ARMH4: variants seen among roughly 807,000 people sequenced by gnomAD.
ARMH4 encodes armadillo-like helical domain-containing protein 4.
In ARMH4, 49 loss-of-function variants were observed where a neutral mutation model predicts 61.9. The observed-to-expected ratio is 0.79, with a 90% CI of 0.63 to 1.00. The LOEUF is 1.00. Ranked by LOEUF, ARMH4 falls within the 50% of genes least tolerant of loss-of-function variation. ARMH4 has a pLI of 0.00. For missense variants in ARMH4, 934 were observed against 930.0 expected (o/e 1.00, Z -0.06); for synonymous variants, 368 against 341.5 (o/e 1.08, Z -0.85).
chr14:58,073,252 T>C (rs548849700), intron 5 of ARMH4, among the ~76,000 whole-genome samples: 1 of 152,318 alleles, frequency 6.6e-6, no homozygotes, highest in East Asian at 1.9e-4. Context: ...GAATCATTCT[T>C]ATGCCATTTT....
intron 5 of ARMH4, among the ~76,000 whole-genome samples, chr14:58,041,046 G>T (rs773568451): frequency 6.6e-6 from 1 of 152,218 alleles, no homozygotes; most frequent in Non-Finnish European, 1.5e-5. Flanking sequence ...CGACGCAGAA[G>T]ACGGGTGATT....
intron 4 of ARMH4, among the ~76,000 whole-genome samples, chr14:58,130,247 G>A (rs941041687): frequency 6.6e-6 from 1 of 152,120 alleles, no homozygotes; most frequent in Non-Finnish European, 1.5e-5. Flanking sequence ...GTTAGCCTTT[G>A]AGCCCACTTT....
At chr14:58,021,609 A>G (rs1236146310) in intron 5 of ARMH4, among the ~76,000 whole-genome samples, 1 of 152,208 alleles carries the variant, frequency 6.6e-6, no homozygotes, top group Non-Finnish European at 1.5e-5. Flanking sequence ...CTGGGCACCC[A>G]TGGTCCAGTC....
At chr14:58,083,109 G>A (rs1195613164) in intron 5 of ARMH4, among the ~76,000 whole-genome samples, 1 of 152,138 alleles carries the variant, frequency 6.6e-6, no homozygotes, top group Non-Finnish European at 1.5e-5. Flanking sequence ...TATGAAGAGG[G>A]CAAGGAACCA....
intron 5 of ARMH4, among the ~76,000 whole-genome samples, chr14:58,015,466 T>C (rs915756296): frequency 6.6e-6 from 1 of 152,162 alleles, no homozygotes; most frequent in East Asian, 1.9e-4. Context: ...CGGAGCGCCA[T>C]GCCTTGTGCT....
intron 5 of ARMH4, among the ~76,000 whole-genome samples, chr14:58,015,261 T>C (rs1325122712): frequency 2.0e-5 from 3 of 152,330 alleles, no homozygotes; most frequent in South Asian, 2.1e-4. Flanking sequence ...TGCACAGATA[T>C]CTGAAGGAGC....
rs1881971229 is a variant in ARMH4 at position 58,001,159 on chromosome 14, A to C, written c.*3577T>G. 6.6e-6 allele frequency: 1 copy of C among 152,196 alleles called. No individual in the cohort carries two copies. The highest frequency in any genetic ancestry group is 6.5e-5 in the Admixed American group (1 of 15,284). 9.4% of individuals were successfully genotyped at this position (152,196 alleles called of 1,614,324 possible). ...TCACTTAGCATAATGTTCTCCATGTATATCCATATTGTCACAATGACAGAA... is the reference window on the plus strand; with the variant it reads ...TCACTTAGCATAATGTTCTCCATGTCTATCCATATTGTCACAATGACAGAA... On this transcript the variant is annotated 3_prime_UTR_variant, in exon 8 of 8. Coordinates refer to ENST00000267485, the MANE Select transcript of ARMH4 (RefSeq NM_001001872.4).
chr14:58,096,643 T>C, intron 5 of ARMH4, 81 bp downstream of exon 5: 3 of 1,473,588 alleles, frequency 2.0e-6, no homozygotes, highest in Non-Finnish European at 2.7e-6. Context: ...TTACAATAGA[T>C]GGCAATGAAA....
chr14:58,048,652 C>T (rs565325370), intron 5 of ARMH4, among the ~76,000 whole-genome samples: 1 of 151,938 alleles, frequency 6.6e-6, no homozygotes, highest in Non-Finnish European at 1.5e-5. Context: ...AGAAAAATAG[C>T]ATGAGAAAAA....
At chr14:58,026,759 C>T (rs763271904) in intron 5 of ARMH4, among the ~76,000 whole-genome samples, 9 of 152,132 alleles carry the variant, frequency 5.9e-5, no homozygotes, top group Non-Finnish European at 1.3e-4. Context: ...GCCACTTTAG[C>T]ATCAAGACAA....
At chr14:58,060,469 A>G (rs1884493297) in intron 5 of ARMH4, among the ~76,000 whole-genome samples, 1 of 152,188 alleles carries the variant, frequency 6.6e-6, no homozygotes. Context: ...GACTTTGAAA[A>G]TAACTTTACA....
intron 1 of ARMH4, among the ~76,000 whole-genome samples, chr14:58,148,169 C>A (rs1887803990): frequency 6.6e-6 from 1 of 152,174 alleles, no homozygotes; most frequent in Admixed American, 6.5e-5. Context: ...GCCTCAGCCT[C>A]CCGAGTAGCT....
rs138457650 is a variant in ARMH4, at chr14:58,113,062, G to A, written c.1832-16081C>T. 1.4e-3 allele frequency among the ~76,000 whole-genome samples: 217 copies of A among 152,190 alleles called. 1 individual carries two copies. Among genetic ancestry groups the A allele is most frequent in the African/African-American group, 5.0e-3 (208 of 41,522 alleles). ...TAATAAACTATTACATCATGAACCA[G>A]CATATTCACAACCCATATTCTTTTT... On this transcript the variant is annotated intron_variant, in intron 4 of 7. Transcript: ENST00000267485.
chr14:58,138,627 G>T lies in ARMH4; in HGVS notation c.732C>A (p.Gly244=). 6.2e-7 allele frequency: 1 copy of T among 1,614,168 alleles called. No individual in the cohort carries two copies. Among genetic ancestry groups the T allele is most frequent in the African/African-American group, 1.3e-5 (1 of 75,068 alleles). The change falls in exon 2 of 8, where the codon GGC becomes GGA. Residue 244 remains glycine, a synonymous_variant. Coordinates refer to ENST00000267485, the MANE Select transcript of ARMH4 (RefSeq NM_001001872.4). ...CAGGGGTGAGGCTTCCAGGCTCACT[G>T]CCTGCTGTGGACTCAGCACCAGGAA... is the stretch of plus-strand genomic sequence containing the variant. ...TSFPGAESTA[G]SEPGSLTPDK...
chr14:58,063,062 C>T (rs1051208214), intron 5 of ARMH4, among the ~76,000 whole-genome samples: 1 of 152,192 alleles, frequency 6.6e-6, no homozygotes, highest in African/African-American at 2.4e-5. Flanking sequence ...ATGATCCCTA[C>T]AGAGCCTCTA....
intron 3 of ARMH4, 54 bp downstream of exon 3, chr14:58,133,036 C>T (rs992546439): frequency 4.4e-6 from 7 of 1,596,074 alleles, no homozygotes; most frequent in Non-Finnish European, 6.0e-6. Context: ...TCCTAGTCCA[C>T]TTAACAGAAG....
At chr14:58,072,859 G>T (rs1884928944) in intron 5 of ARMH4, among the ~76,000 whole-genome samples, 1 of 152,144 alleles carries the variant, frequency 6.6e-6, no homozygotes, top group Non-Finnish European at 1.5e-5. Context: ...CAGGGTGTTT[G>T]GATGTCACCC....
At chr14:58,112,401 G>A (rs1009029090) in intron 4 of ARMH4, among the ~76,000 whole-genome samples, 7 of 149,146 alleles carry the variant, frequency 4.7e-5, no homozygotes, top group African/African-American at 1.7e-4. Flanking sequence ...ATTTTACCAC[G>A]CATATTTAAC....
chr14:58,141,462 C>T, intron 1 of ARMH4: 1 of 540,626 alleles, frequency 1.8e-6, no homozygotes, highest in South Asian at 1.4e-5. Context: ...GCTACAACAT[C>T]CAGAAAGAGT....
Sources: gnomAD v4.1 joint callset for allele counts (sites outside exome capture counted in the v4.1 genomes callset) on GRCh38, gnomAD v4.1.1 for gene constraint, MANE v1.5 for transcripts, NCBI Gene and HGNC (gene_info 2026-07-23, HGNC 2026-07-21) for gene names.